The following OSBPL8 variants were observed in gnomAD, a reference collection of about 807,000 sequenced individuals.
OSBPL8 encodes oxysterol-binding protein-related protein 8.
In OSBPL8, 59 loss-of-function variants were observed where a neutral mutation model predicts 125.5. That is an observed-to-expected ratio of 0.47 (90% CI 0.38 to 0.58). The LOEUF (loss-of-function observed/expected upper bound fraction) is 0.58, where lower values mean the gene tolerates loss of function less well. Among genes scored for constraint, OSBPL8 ranks in the 20% least tolerant of loss-of-function variants. The pLI is 0.00. For synonymous variants in OSBPL8, 330 were observed against 338.9 expected, an observed-to-expected ratio of 0.97 and a Z score of 0.29; for missense variants, 758 against 1,047.8, an observed-to-expected ratio of 0.72 and a Z score of 3.82.
Position 76,469,651 on chromosome 12 carries a change from A to C in OSBPL8, c.43-9756T>G, listed in dbSNP as rs996839020. The stretch of plus-strand genomic sequence containing the variant: ...AAAGCTACTTCATCACAATACTTCC[A>C]TAATATTCCCAAAACAGCAATCATC... On this transcript the variant is annotated intron_variant, in intron 2 of 23. Coordinates refer to ENST00000261183, the MANE Select transcript of OSBPL8 (RefSeq NM_020841.5). 7.2e-5 allele frequency among the ~76,000 whole-genome samples: 11 copies of C among 152,166 alleles called. No homozygotes were observed. In the East Asian group the frequency reaches 2.1e-3, roughly 29 times the overall value.
At chr12:76,437,724 C>T (rs541998923) in intron 4 of OSBPL8, among the ~76,000 whole-genome samples, 68 of 152,192 alleles carry the variant, frequency 4.5e-4, no homozygotes, top group Non-Finnish European at 7.9e-4. Flanking sequence ...TGCATTGAAC[C>T]TATAAAATCA....
At chr12:76,473,192 C>A (rs751049397) in intron 2 of OSBPL8, among the ~76,000 whole-genome samples, 1 of 151,872 alleles carries the variant, frequency 6.6e-6, no homozygotes, top group South Asian at 2.1e-4. Context: ...GATTATAGAG[C>A]GAGGATTATT....
chr12:76,433,361 A>T (rs2136594170), intron 4 of OSBPL8, among the ~76,000 whole-genome samples: 1 of 152,318 alleles, frequency 6.6e-6, no homozygotes, highest in Non-Finnish European at 1.5e-5. Context: ...AAAACTAATA[A>T]ACAAATTCAG....
rs199655828 is a variant in OSBPL8, at chr12:76,487,496, T to C, written c.42+14A>G. 850 of 1,590,360 alleles carry C rather than the reference T, an allele frequency of 5.3e-4. 1 individual carries two copies. Among genetic ancestry groups the C allele is most frequent in the Admixed American group, 8.9e-4 (49 of 55,328 alleles). On this transcript the variant is annotated intron_variant, in intron 2 of 23. Coordinates refer to ENST00000261183, the MANE Select transcript of OSBPL8 (RefSeq NM_020841.5). ...TACAGATGATAGAACCTATGTCATA[T>C]ATGAACTACTCACCGAAGTTCGATC...
chr12:76,552,320 G>A (rs1223491597), intron 1 of OSBPL8, among the ~76,000 whole-genome samples: 1 of 150,330 alleles, frequency 6.7e-6, no homozygotes, highest in African/African-American at 2.5e-5. Flanking sequence ...CAGCTACTCG[G>A]AAGGCTAAGG....
At position 76,528,089 on chromosome 12, in the gene OSBPL8, G is replaced by A. The variant is rs189889352; in HGVS notation, c.-68+31308C>T. On this transcript the variant is annotated intron_variant, in intron 1 of 23. Coordinates refer to ENST00000261183, the MANE Select transcript of OSBPL8 (RefSeq NM_020841.5). The stretch of plus-strand genomic sequence containing the variant: ...TGTAATCCCAGCACTTTGGGAAGCC[G>A]AGGTGGGCGGATCACGAGGTCAGGA... Among the ~76,000 whole-genome samples, 237 of 152,228 alleles carry A rather than the reference G, an allele frequency of 1.6e-3. 1 individual carries two copies. The highest frequency in any genetic ancestry group is 2.0e-3 in the Non-Finnish European group (136 of 68,010).
chr12:76,535,244 T>C (rs1379839826), intron 1 of OSBPL8, among the ~76,000 whole-genome samples: 1 of 152,114 alleles, frequency 6.6e-6, no homozygotes, highest in Non-Finnish European at 1.5e-5. Context: ...AGATTCTGAC[T>C]ATATAAAGAA....
At chr12:76,525,084 G>A (rs781338051) in intron 1 of OSBPL8, among the ~76,000 whole-genome samples, 1 of 152,112 alleles carries the variant, frequency 6.6e-6, no homozygotes, top group Non-Finnish European at 1.5e-5. Flanking sequence ...GCAAAGGGGG[G>A]TAAAAACAGG....
At chr12:76,384,068 A>C (rs1953181384) in intron 15 of OSBPL8, among the ~76,000 whole-genome samples, 186 bp downstream of exon 15, 1 of 152,230 alleles carries the variant, frequency 6.6e-6, no homozygotes, top group African/African-American at 2.4e-5. Flanking sequence ...ATTCACATAT[A>C]TGTGATGAAT....
chr12:76,357,589 C>G (rs546943211), intron 22 of OSBPL8, among the ~76,000 whole-genome samples: 1 of 152,122 alleles, frequency 6.6e-6, no homozygotes, highest in Non-Finnish European at 1.5e-5. Flanking sequence ...AACCTTTATT[C>G]GGTTCATTCC....
chr12:76,365,861 A>AT (rs1199140649), intron 21 of OSBPL8, among the ~76,000 whole-genome samples: 4 of 152,042 alleles, frequency 2.6e-5, no homozygotes, highest in African/African-American at 7.2e-5. Context: ...TGACCATGTG[A>AT]TTTTCCCCCC....
chr12:76,410,258 A>G (rs1311574708), intron 5 of OSBPL8, among the ~76,000 whole-genome samples: 2 of 152,238 alleles, frequency 1.3e-5, no homozygotes, highest in African/African-American at 2.4e-5. Context: ...TTTTAAAGCC[A>G]TAAACCCTGA....
At chr12:76,385,574 G>A (rs1028141112) in intron 14 of OSBPL8, among the ~76,000 whole-genome samples, 1 of 152,064 alleles carries the variant, frequency 6.6e-6, no homozygotes, top group Admixed American at 6.6e-5. Context: ...CAATACAGAA[G>A]TTTGAGAAGG....
chr12:76,431,026 T>A (rs6539282), intron 4 of OSBPL8, among the ~76,000 whole-genome samples: 149,958 of 152,286 alleles, frequency 0.98, 73,833 homozygotes, highest in East Asian at 1. Context: ...TAGTAAATAA[T>A]TTAGAAGACA....
Position 76,378,536 on chromosome 12 carries a change from C to G in OSBPL8, c.1645G>C (p.Ala549Pro). Residue 549 changes from alanine (A) to proline (P), a missense_variant, in exon 16 of 24, where the codon GCA becomes CCA. By Grantham distance (27) the Ala-to-Pro change is conservative (BLOSUM62 -1). This residue lies in a region of OSBPL8 where 572 missense variants were observed against 762.0 expected (regional missense o/e 0.75). Transcript: ENST00000261183. ...AACCGTGCTTCTCCCTCTAATATTG[C>G]AGATAATGAGTTTCCTGAAATAAAA... ...KSKFYGNSLSAILEGEARLTF... is the reference protein window; with the variant it reads ...KSKFYGNSLSPILEGEARLTF... The G allele has an allele frequency of 6.3e-7, 1 of 1,594,140 alleles. No homozygotes were observed. The highest frequency in any genetic ancestry group is 8.6e-7 in the Non-Finnish European group (1 of 1,167,464).
At chr12:76,415,816 T>C (rs1868578746) in intron 4 of OSBPL8, among the ~76,000 whole-genome samples, 1 of 152,186 alleles carries the variant, frequency 6.6e-6, no homozygotes, top group Non-Finnish European at 1.5e-5. Context: ...GCAGTAACAC[T>C]CTTTTTCATA....
chr12:76,442,757 G>A (rs927868865), intron 4 of OSBPL8, among the ~76,000 whole-genome samples: 1 of 152,130 alleles, frequency 6.6e-6, no homozygotes, highest in Non-Finnish European at 1.5e-5. Flanking sequence ...AAGACAGGAG[G>A]AACTGCTTCA....
intron 12 of OSBPL8, among the ~76,000 whole-genome samples, chr12:76,389,033 G>A (rs1330283887): frequency 6.6e-6 from 1 of 152,160 alleles, no homozygotes; most frequent in African/African-American, 2.4e-5. Context: ...TGGACACAAA[G>A]TTGCTGTTCC....
chr12:76,444,094 GA>G (rs1469163879), intron 4 of OSBPL8, among the ~76,000 whole-genome samples: 1 of 151,896 alleles, frequency 6.6e-6, no homozygotes, highest in African/African-American at 2.4e-5. Context: ...TAAAACAATA[GA>G]ACAAAACCAG....
Sources: gnomAD v4.1 joint callset for allele counts (sites outside exome capture counted in the v4.1 genomes callset) on GRCh38, gnomAD v4.1.1 for gene constraint, gnomAD v4.1.1 regional missense constraint, MANE v1.5 for transcripts, NCBI Gene and HGNC (gene_info 2026-07-23, HGNC 2026-07-21) for gene names.